The following ALOX5AP variants were observed in gnomAD, a reference collection of about 807,000 sequenced individuals.
ALOX5AP encodes arachidonate 5-lipoxygenase-activating protein.
ALOX5AP carries 9 observed loss-of-function variants against 18.5 expected under a neutral mutation model. That is an observed-to-expected ratio of 0.49 (90% CI 0.29 to 0.85). The LOEUF (loss-of-function observed/expected upper bound fraction) is 0.85. Among genes scored for constraint, ALOX5AP ranks in the 40% least tolerant of loss-of-function variants. The pLI is 0.08. For missense variants in ALOX5AP, 172 were observed against 202.5 expected, an observed-to-expected ratio of 0.85 and a Z score of 0.91; for synonymous variants, 81 against 78.6, an observed-to-expected ratio of 1.03 and a Z score of -0.16.
chr13:30,762,713 G>A (rs1368750509), intron 4 of ALOX5AP, among the ~76,000 whole-genome samples: 2 of 152,170 alleles, frequency 1.3e-5, no homozygotes, highest in Non-Finnish European at 2.9e-5. Context: ...TCTGATTATG[G>A]CAGGAAACGG....
intron 1 of ALOX5AP, among the ~76,000 whole-genome samples, chr13:30,726,111 T>C (rs948063662): frequency 6.6e-6 from 1 of 152,320 alleles, no homozygotes; most frequent in African/African-American, 2.4e-5. Context: ...GCTCTGCTAT[T>C]GCAGAAATCT....
chr13:30,756,132 C>A, intron 4 of ALOX5AP, 107 bp downstream of exon 4: 1 of 1,076,896 alleles, frequency 9.3e-7, no homozygotes. Context: ...TCCGTAGCAT[C>A]CCCTTGGGTG....
rs144515953 is a variant in ALOX5AP, at chr13:30,741,329, C to G, written c.71-2731C>G. On this transcript the variant is annotated intron_variant, in intron 1 of 4. Transcript: ENST00000380490. The stretch of plus-strand genomic sequence containing the variant: ...GTTTCACCATGTTAGCCAGGATGGT[C>G]TCGACACATCCTCCATATACTTTAA... 1.1e-4 allele frequency among the ~76,000 whole-genome samples: 17 copies of G among 150,426 alleles called. No homozygotes were observed. In the East Asian group the frequency reaches 3.3e-3, roughly 29 times the overall value.
At chr13:30,733,490 T>C (rs1951697680), upstream of ALOX5AP, among the ~76,000 whole-genome samples, 1 of 152,226 alleles carries the variant, frequency 6.6e-6, no homozygotes, top group African/African-American at 2.4e-5. Context: ...CAGGTATGAA[T>C]TGGATCTCAC....
intron 4 of ALOX5AP, 64 bp from the exon 5 acceptor site, chr13:30,763,880 T>TTG: frequency 6.7e-7 from 1 of 1,483,528 alleles, no homozygotes; most frequent in Admixed American, 1.9e-5. Flanking sequence ...GGTAACATTT[T>TTG]TGTGTGTGTG....
intron 1 of ALOX5AP, among the ~76,000 whole-genome samples, chr13:30,742,981 G>A (rs1465378409): frequency 6.6e-6 from 1 of 150,700 alleles, no homozygotes; most frequent in African/African-American, 2.4e-5. Flanking sequence ...CCCTATCCTG[G>A]ATCTGATTCT....
chr13:30,726,065 G>C (rs977881073), intron 1 of ALOX5AP, among the ~76,000 whole-genome samples: 2 of 152,140 alleles, frequency 1.3e-5, no homozygotes, highest in African/African-American at 4.8e-5. Context: ...CTGGTGTTCG[G>C]GTAGTAATTT....
At chr13:30,742,592 C>A (rs1187654617) in intron 1 of ALOX5AP, 1 of 152,068 alleles carries the variant, frequency 6.6e-6, no homozygotes. Flanking sequence ...CCTTCCTTTA[C>A]GTAAGAGAGC....
At chr13:30,754,770 G>C (rs1951879249) in intron 3 of ALOX5AP, among the ~76,000 whole-genome samples, 2 of 152,198 alleles carry the variant, frequency 1.3e-5, no homozygotes, top group South Asian at 4.1e-4. Flanking sequence ...ACTATGCCAG[G>C]CTCAGAGATG....
At chr13:30,719,187 T>C (rs1566078022) in intron 1 of ALOX5AP, among the ~76,000 whole-genome samples, 1 of 152,164 alleles carries the variant, frequency 6.6e-6, no homozygotes, top group Admixed American at 6.5e-5. Context: ...ATAATGGAGG[T>C]TGATTTAAAG....
At chr13:30,721,645 A>G (rs1438587153) in intron 1 of ALOX5AP, among the ~76,000 whole-genome samples, 1 of 152,066 alleles carries the variant, frequency 6.6e-6, no homozygotes, top group African/African-American at 2.4e-5. Flanking sequence ...CATGCTCCAC[A>G]CTGCAGCCAG....
chr13:30,756,009 G>T lies in ALOX5AP; in HGVS notation c.307G>T (p.Gly103Ter), dbSNP rs202205227. 1 of 1,614,052 alleles carries T rather than the reference G, an allele frequency of 6.2e-7. No homozygotes were observed. Among genetic ancestry groups the T allele is most frequent in the East Asian group, 2.2e-5 (1 of 44,884 alleles). Residue 103 changes from glycine (G) to a stop codon, truncating the protein, a stop_gained, in exon 4 of 5, where the codon GGA becomes TGA. Coordinates refer to ENST00000380490, the MANE Select transcript of ALOX5AP (RefSeq NM_001629.4). LOFTEE classifies it high-confidence loss of function. The part of the protein sequence containing the change: ...VRQKYFVGYL[G>*]ERTQSTPGYI... ...GCAAAAGTACTTTGTCGGTTACCTAGGAGAGAGAACGCAGAGGTAGGTAAC... is the reference window on the plus strand; with the variant it reads ...GCAAAAGTACTTTGTCGGTTACCTATGAGAGAGAACGCAGAGGTAGGTAAC...
chr13:30,746,705 A>G (rs1409813131), intron 2 of ALOX5AP, among the ~76,000 whole-genome samples: 16 of 152,268 alleles, frequency 1.1e-4, no homozygotes, highest in Non-Finnish European at 2.4e-4. Context: ...ATGAGGCTGC[A>G]GGAAGAAAAG....
At chr13:30,724,578 G>A (rs150921439) in intron 1 of ALOX5AP, among the ~76,000 whole-genome samples, 14 of 152,312 alleles carry the variant, frequency 9.2e-5, no homozygotes, top group African/African-American at 3.4e-4. Context: ...TGCCTTTATA[G>A]GTGAACCCCA....
chr13:30,733,975 C>T (rs546879401), upstream of ALOX5AP, among the ~76,000 whole-genome samples: 1 of 152,292 alleles, frequency 6.6e-6, no homozygotes, highest in East Asian at 1.9e-4. Context: ...ATGCTCAGGC[C>T]TTTGAATGCA....
At chr13:30,718,475 C>G (rs892601265) in intron 1 of ALOX5AP, among the ~76,000 whole-genome samples, 7 of 150,650 alleles carry the variant, frequency 4.6e-5, no homozygotes, top group Admixed American at 1.3e-4. Context: ...TGTCTCTGAC[C>G]CACCCTTGCC....
chr13:30,755,036 G>C (rs1951881794), intron 3 of ALOX5AP, among the ~76,000 whole-genome samples: 1 of 152,244 alleles, frequency 6.6e-6, no homozygotes, highest in Non-Finnish European at 1.5e-5. Context: ...CCAGCTCCAA[G>C]CCTTCAGGAC....
At chr13:30,716,954 T>C (rs1243634447) in intron 1 of ALOX5AP, among the ~76,000 whole-genome samples, 1 of 152,228 alleles carries the variant, frequency 6.6e-6, no homozygotes, top group Non-Finnish European at 1.5e-5. Context: ...TCTCCTGGCA[T>C]TGATGTGTGA....
At chr13:30,728,597 G>C (rs924781969) in intron 1 of ALOX5AP, among the ~76,000 whole-genome samples, 1 of 152,166 alleles carries the variant, frequency 6.6e-6, no homozygotes, top group African/African-American at 2.4e-5. Context: ...GTAAGTGTAT[G>C]TTTAGCTTTT....
Sources: gnomAD v4.1 joint callset for allele counts (sites outside exome capture counted in the v4.1 genomes callset) on GRCh38, gnomAD v4.1.1 for gene constraint, MANE v1.5 for transcripts, NCBI Gene and HGNC (gene_info 2026-07-23, HGNC 2026-07-21) for gene names.